Variants in NUCB2 observed in about 807,000 individuals in gnomAD.
NUCB2 encodes the protein nucleobindin-2.
NUCB2 carries 48 observed loss-of-function variants against 57.9 expected under a neutral mutation model. That is an observed-to-expected ratio of 0.83 (90% confidence interval 0.66 to 1.05). The LOEUF (loss-of-function observed/expected upper bound fraction) is 1.05, where lower values mean the gene tolerates loss of function less well. Among genes scored for constraint, NUCB2 ranks in the 50% least tolerant of loss-of-function variants. The pLI is 0.00. For synonymous variants in NUCB2, 139 were observed against 152.1 expected, an observed-to-expected ratio of 0.91 and a Z score of 0.64; for missense variants, 442 against 476.2, an observed-to-expected ratio of 0.93 and a Z score of 0.67.
Position 17,310,945 on chromosome 11 carries a change from G to T in NUCB2, c.604G>T (p.Glu202Ter), listed in dbSNP as rs1408478953. The T allele has an allele frequency of 6.3e-7, 1 of 1,594,302 alleles. No homozygotes were observed. Among genetic ancestry groups the T allele is most frequent in the South Asian group, 1.2e-5 (1 of 86,072 alleles). ...AACATTGAATGAAGAAAAGAGAAAAGAAGAAGAGTCTAAATTTGAAGAAAT... is the reference window on the plus strand; with the variant it reads ...AACATTGAATGAAGAAAAGAGAAAATAAGAAGAGTCTAAATTTGAAGAAAT... ...LKTLNEEKRKEEESKFEEMKK... is the reference protein window; with the variant it reads ...LKTLNEEKRK The change falls in exon 7 of 14, where the codon GAA becomes TAA. Residue 202 changes from glutamate (E) to a stop codon, truncating the protein, a stop_gained. Coordinates refer to ENST00000529010, the MANE Select transcript of NUCB2 (RefSeq NM_005013.4). LOFTEE classifies it high-confidence loss of function.
rs768805784 is a variant in NUCB2 at position 17,330,689 on chromosome 11, G to A, written c.1174-213G>A. 2.6e-5 allele frequency among the ~76,000 whole-genome samples: 4 copies of A among 152,084 alleles called. No individual in the cohort carries two copies. The highest frequency in any genetic ancestry group is 2.1e-4 in the South Asian group (1 of 4,812). On this transcript the variant is annotated intron_variant, in intron 12 of 13. Transcript: ENST00000529010. The surrounding 1 kb of genome is among the most constrained non-coding windows in gnomAD (Gnocchi z 4.3). Reference sequence around the variant, plus strand: ...TCATTGTGTTGCCGAGGCTGGTCTCGAACTCCTGGCCTTAAGTGATCTTCC... The same window carrying A: ...TCATTGTGTTGCCGAGGCTGGTCTCAAACTCCTGGCCTTAAGTGATCTTCC...
chr11:17,294,756 A>G (rs1489513624), intron 2 of NUCB2, among the ~76,000 whole-genome samples: 2 of 152,044 alleles, frequency 1.3e-5, no homozygotes, highest in Non-Finnish European at 2.9e-5. Context: ...TATACTATAA[A>G]AACAATATAG....
intron 2 of NUCB2, among the ~76,000 whole-genome samples, chr11:17,342,683 T>C (rs1169730282): frequency 2.7e-5 from 4 of 150,094 alleles, no homozygotes; most frequent in African/African-American, 9.8e-5. Context: ...AGAGATAGTT[T>C]GTTATAATTT....
At chr11:17,328,480 G>A (rs1224764632) in intron 11 of NUCB2, among the ~76,000 whole-genome samples, 1 of 152,182 alleles carries the variant, frequency 6.6e-6, no homozygotes, top group Admixed American at 6.5e-5. Context: ...CTGATGTTCA[G>A]TTTTACTGTG....
chr11:17,301,199 C>A (rs1346223666), intron 4 of NUCB2, among the ~76,000 whole-genome samples: 1 of 151,318 alleles, frequency 6.6e-6, no homozygotes, highest in Non-Finnish European at 1.5e-5. Flanking sequence ...TCTCGAACTC[C>A]TGACCTCAAG....
chr11:17,323,009 GATT>G (rs937719715), intron 11 of NUCB2, among the ~76,000 whole-genome samples: 14 of 150,818 alleles, frequency 9.3e-5, no homozygotes, highest in South Asian at 2.1e-4. Flanking sequence ...CCAAATATAA[GATT>G]ATATCATCTG....
Position 17,293,345 on chromosome 11 carries a change from C to T in NUCB2, c.1-1979C>T, listed in dbSNP as rs184029280. Among the ~76,000 whole-genome samples the T allele has an allele frequency of 2.6e-3, 391 of 151,644 alleles. 1 individual carries two copies. Among genetic ancestry groups the T allele is most frequent in the Non-Finnish European group, 4.7e-3 (321 of 67,944 alleles). ...CAAACACATTCTCTTGACTTTCCTT[C>T]TTATTTATGGTAGTCTTGGCAGGAG... On this transcript the variant is annotated intron_variant, in intron 2 of 13. Coordinates refer to ENST00000529010, the MANE Select transcript of NUCB2 (RefSeq NM_005013.4).
chr11:17,327,083 C>T (rs534274312), intron 11 of NUCB2, among the ~76,000 whole-genome samples: 1 of 152,262 alleles, frequency 6.6e-6, no homozygotes, highest in South Asian at 2.1e-4. Flanking sequence ...CCACCTGAGA[C>T]AGAGTCTTGC....
intron 11 of NUCB2, among the ~76,000 whole-genome samples, chr11:17,319,829 T>C (rs1262698897): frequency 6.6e-6 from 1 of 152,150 alleles, no homozygotes; most frequent in East Asian, 1.9e-4. Flanking sequence ...GATTATTTTA[T>C]TACCCAGGTA....
chr11:17,310,676 GA>G, intron 6 of NUCB2, 148 bp from the exon 7 acceptor site: 1 of 519,912 alleles, frequency 1.9e-6, no homozygotes, highest in Non-Finnish European at 3.3e-6. Context: ...TGACTAAAAT[GA>G]AATGGTAGAA....
intron 1 of NUCB2, chr11:17,337,309 G>A (rs1951900765): frequency 1.3e-5 from 2 of 152,172 alleles, no homozygotes; most frequent in African/African-American, 4.8e-5. Context: ...GACAATCCCG[G>A]TTCTGGTTAG....
intron 2 of NUCB2, among the ~76,000 whole-genome samples, chr11:17,341,007 G>A (rs1952218433): frequency 6.6e-6 from 1 of 152,158 alleles, no homozygotes; most frequent in Non-Finnish European, 1.5e-5. Context: ...TTGAGCAGTG[G>A]TTTGTAATTC....
intron 2 of NUCB2, among the ~76,000 whole-genome samples, chr11:17,341,889 T>C (rs1455871705): frequency 1.3e-5 from 2 of 152,226 alleles, no homozygotes; most frequent in Non-Finnish European, 2.9e-5. Flanking sequence ...TCAGAAGGAA[T>C]GGTACCAGCT....
At chr11:17,280,079 C>T (rs1309122214) in intron 1 of NUCB2, among the ~76,000 whole-genome samples, 5 of 152,058 alleles carry the variant, frequency 3.3e-5, no homozygotes, top group Non-Finnish European at 5.9e-5. Flanking sequence ...AGGCATGAGC[C>T]ACTACACCTG....
At chr11:17,303,557 C>T (rs1219402144) in intron 5 of NUCB2, among the ~76,000 whole-genome samples, 1 of 152,060 alleles carries the variant, frequency 6.6e-6, no homozygotes, top group Non-Finnish European at 1.5e-5. Context: ...GATTAAATAG[C>T]TATGTAATAG....
chr11:17,334,982 G>T (rs1387737179), downstream of NUCB2, among the ~76,000 whole-genome samples: 3 of 151,480 alleles, frequency 2.0e-5, no homozygotes, highest in South Asian at 4.2e-4. Flanking sequence ...TAAATTTTTA[G>T]ATGATCATTG....
At chr11:17,334,078 C>G (rs1280934447), downstream of NUCB2, 1 of 152,252 alleles carries the variant, frequency 6.6e-6, no homozygotes, top group Non-Finnish European at 1.5e-5. Flanking sequence ...ACCTCCTCAA[C>G]TAAGCCAACC....
rs1945629592 is a variant in NUCB2, at chr11:17,295,203, T to G, written c.1-121T>G. ...AATCTATTCTTTCCTTTCCTATAAT[T>G]TTTTTTTTGTTTTATTAAACCTCTT... is the stretch of plus-strand genomic sequence containing the variant. On this transcript the variant is annotated intron_variant, in intron 2 of 13. Transcript: ENST00000529010. 4 of 742,332 alleles carry G rather than the reference T, an allele frequency of 5.4e-6. No individual in the cohort carries two copies. In the Admixed American group the frequency reaches 1.2e-4, roughly 21 times the overall value. 46.0% of individuals were successfully genotyped at this position (742,332 alleles called of 1,614,324 possible).
rs1441080294 is a variant in NUCB2 at position 17,310,961 on chromosome 11, T to A, written c.620T>A (p.Phe207Tyr). ...AAGAGAAAAGAAGAAGAGTCTAAAT[T>A]TGAAGAAATGAAGAAAAAGCATGAA... ...EEKRKEEESKFEEMKKKHENH... is the reference protein window; with the variant it reads ...EEKRKEEESKYEEMKKKHENH... Residue 207 changes from phenylalanine to tyrosine, a missense_variant, in exon 7 of 14, where the codon TTT (phenylalanine) becomes TAT (tyrosine). By Grantham distance (22) the Phe-to-Tyr change is conservative. Transcript: ENST00000529010. 4 of 1,588,004 alleles carry A rather than the reference T, an allele frequency of 2.5e-6. No individual in the cohort carries two copies. The East Asian group carries it at 9.0e-5, about 36-fold the overall frequency.
Sources: allele counts gnomAD v4.1 joint callset (sites outside exome capture counted in the v4.1 genomes callset), GRCh38; gene constraint gnomAD v4.1.1; non-coding constraint Gnocchi (gnomAD v3.1); transcripts MANE v1.5; gene names NCBI Gene and HGNC (gene_info 2026-07-23, HGNC 2026-07-21).